The following LINGO2 variants were observed in gnomAD, a reference collection of about 807,000 sequenced individuals.
LINGO2 encodes the protein leucine rich repeat and Ig domain containing 2.
LINGO2 carries 14 observed loss-of-function variants against 30.6 expected under a neutral mutation model. The observed-to-expected ratio is 0.46, with a 90% CI of 0.30 to 0.72. The LOEUF (loss-of-function observed/expected upper bound fraction) is 0.72, where lower values mean the gene tolerates loss of function less well. Ranked by LOEUF, LINGO2 falls within the 30% of genes least tolerant of loss-of-function variation. LINGO2 has a pLI of 0.07. For missense variants in LINGO2, 729 were observed against 751.7 expected (o/e 0.97, Z 0.35); for synonymous variants, 317 against 288.5 (o/e 1.10, Z -1.00).
the LINGO2 span, among the ~76,000 whole-genome samples, chr9:29,001,561 T>C: frequency 1.3e-5 from 2 of 152,100 alleles, no homozygotes; most frequent in South Asian, 4.1e-4. Context: ...ACTTGGGCTA[T>C]TTGGCCAAGC....
At chr9:28,873,623 C>T in the LINGO2 span, among the ~76,000 whole-genome samples, 2 of 152,150 alleles carry the variant, frequency 1.3e-5, no homozygotes, top group African/African-American at 2.4e-5. Flanking sequence ...GGTTGTGATA[C>T]AACTTTGTAA....
the LINGO2 span, among the ~76,000 whole-genome samples, chr9:29,082,254 A>T: frequency 6.6e-6 from 1 of 152,326 alleles, no homozygotes; most frequent in African/African-American, 2.4e-5. Context: ...GGAACAGAAC[A>T]GAGCACTCAG....
intron 3 of LINGO2, among the ~76,000 whole-genome samples, chr9:28,311,324 G>T (rs902201744): frequency 1.3e-5 from 2 of 152,042 alleles, no homozygotes; most frequent in African/African-American, 2.4e-5. Flanking sequence ...GAAGTTTTGG[G>T]CACACATTGT....
intron 4 of LINGO2, among the ~76,000 whole-genome samples, chr9:28,204,744 T>C (rs1433161562): frequency 6.6e-6 from 1 of 152,230 alleles, no homozygotes; most frequent in Non-Finnish European, 1.5e-5. Flanking sequence ...GGAGAGACCA[T>C]TGAAATTGGC....
At chr9:28,043,748 T>C (rs1427713996) in intron 4 of LINGO2, among the ~76,000 whole-genome samples, 1 of 152,170 alleles carries the variant, frequency 6.6e-6, no homozygotes, top group Non-Finnish European at 1.5e-5. Flanking sequence ...CACCTCACAT[T>C]ACATGGAAAC....
chr9:28,695,007 C>T, the LINGO2 span, among the ~76,000 whole-genome samples: 3 of 149,864 alleles, frequency 2.0e-5, no homozygotes, highest in Admixed American at 1.3e-4. Flanking sequence ...AGTTGTATAC[C>T]CATTGAGCTG....
the LINGO2 span, among the ~76,000 whole-genome samples, chr9:28,846,093 A>G: frequency 6.6e-6 from 1 of 151,782 alleles, no homozygotes; most frequent in African/African-American, 2.4e-5. Context: ...CTATCATAAG[A>G]CATAGTCAGA....
At chr9:29,017,079 A>C in the LINGO2 span, among the ~76,000 whole-genome samples, 1 of 152,172 alleles carries the variant, frequency 6.6e-6, no homozygotes, top group African/African-American at 2.4e-5. Flanking sequence ...AAACATGTAC[A>C]TTTTATTTTT....
the LINGO2 span, among the ~76,000 whole-genome samples, chr9:28,994,528 C>A: frequency 6.6e-6 from 1 of 151,188 alleles, no homozygotes; most frequent in Non-Finnish European, 1.5e-5. Context: ...CTTTAAAGTT[C>A]ATATGGAACC....
chr9:29,053,121 A>T, the LINGO2 span, among the ~76,000 whole-genome samples: 10 of 152,158 alleles, frequency 6.6e-5, no homozygotes, highest in African/African-American at 2.2e-4. Context: ...ATTCAATTAC[A>T]ATGTACTACT....
Position 28,569,053 on chromosome 9 carries a change from C to T in LINGO2, c.-364-93028G>A, listed in dbSNP as rs537309573. 7.4e-5 allele frequency among the ~76,000 whole-genome samples: 11 copies of T among 147,918 alleles called. No individual in the cohort carries two copies. The South Asian group carries it at 2.1e-3, about 28-fold the overall frequency. ...TGAAAACATTCTAAGTATTGCTTAT[C>T]ATCAGGTAAATGCAAATCAAACCGC... On this transcript the variant is annotated intron_variant, in intron 1 of 5. Transcript: ENST00000379992.
the LINGO2 span, among the ~76,000 whole-genome samples, chr9:28,685,939 G>A: frequency 1.3e-5 from 2 of 151,782 alleles, no homozygotes; most frequent in Non-Finnish European, 2.9e-5. Flanking sequence ...GACGAGTAGT[G>A]TGTGGGTGCA....
intron 5 of LINGO2, among the ~76,000 whole-genome samples, chr9:28,000,509 A>G (rs1821894639): frequency 6.6e-6 from 1 of 152,228 alleles, no homozygotes; most frequent in South Asian, 2.1e-4. Context: ...ACTGTGGAAA[A>G]TTATTTCTTT....
At chr9:29,190,024 G>T in the LINGO2 span, among the ~76,000 whole-genome samples, 8 of 141,274 alleles carry the variant, frequency 5.7e-5, no homozygotes, top group Non-Finnish European at 1.1e-4. Context: ...GAGGGAGACC[G>T]TGGGGAGGGA....
At chr9:28,753,716 A>G in the LINGO2 span, among the ~76,000 whole-genome samples, 35 of 150,884 alleles carry the variant, frequency 2.3e-4, no homozygotes, top group African/African-American at 8.6e-4. Context: ...CTTAAAGTTT[A>G]GAAATGCTTG....
the LINGO2 span, among the ~76,000 whole-genome samples, chr9:29,010,215 A>G: frequency 6.6e-6 from 1 of 152,236 alleles, no homozygotes; most frequent in Non-Finnish European, 1.5e-5. Context: ...TCTGCACAGC[A>G]AAAGAAACTA....
At chr9:28,584,683 T>A (rs1439467137) in intron 1 of LINGO2, among the ~76,000 whole-genome samples, 1 of 152,052 alleles carries the variant, frequency 6.6e-6, no homozygotes, top group Non-Finnish European at 1.5e-5. Flanking sequence ...ATCACTTGAA[T>A]AATTCAATTT....
At chr9:28,185,052 G>T (rs1819494858) in intron 4 of LINGO2, among the ~76,000 whole-genome samples, 1 of 152,188 alleles carries the variant, frequency 6.6e-6, no homozygotes. Flanking sequence ...TTTGAGAAAT[G>T]CCAGAAAGGC....
the LINGO2 span, among the ~76,000 whole-genome samples, chr9:29,090,370 A>G: frequency 6.6e-6 from 1 of 151,964 alleles, no homozygotes; most frequent in Non-Finnish European, 1.5e-5. Context: ...CTTCAGCATC[A>G]GTCTTGCAGG....
Sources: gnomAD v4.1 joint callset for allele counts (sites outside exome capture counted in the v4.1 genomes callset) on GRCh38, gnomAD v4.1.1 for gene constraint, MANE v1.5 for transcripts, NCBI Gene and HGNC (gene_info 2026-07-23, HGNC 2026-07-21) for gene names.